Variants in U2AF2 observed in about 807,000 individuals in gnomAD.
U2AF2 encodes splicing factor U2AF 65 kDa subunit.
In U2AF2, 6 loss-of-function variants were observed where a neutral mutation model predicts 52.6. That is an observed-to-expected ratio of 0.11 (90% CI 0.06 to 0.23). The LOEUF (loss-of-function observed/expected upper bound fraction) is 0.23. U2AF2 is among the 10% of genes least tolerant of loss of function. U2AF2 has a pLI of 1.00. For missense variants in U2AF2, 222 were observed against 677.1 expected (o/e 0.33, Z 7.46); for synonymous variants, 284 against 258.2 (o/e 1.10, Z -0.96).
intron 1 of U2AF2, among the ~76,000 whole-genome samples, chr19:55,656,875 C>T (rs189146900): frequency 6.6e-6 from 1 of 152,148 alleles, no homozygotes; most frequent in African/African-American, 2.4e-5. Context: ...GAGGGTCTTC[C>T]GCTCACAGAG....
chr19:55,670,534 C>CACCCTGCTGTCGGTGCACCCTGCTGTCCG, intron 11 of U2AF2: 2 of 185,902 alleles, frequency 1.1e-5, no homozygotes, highest in South Asian at 4.0e-5. Context: ...CCTGCTGTCC[C>CACCCTGCTGTCGGTGCACCCTGCTGTCCG]TGCACCCTGC....
rs557100931 is a variant in U2AF2 at position 55,660,127 on chromosome 19, A to G, written c.186-50A>G. 3.8e-6 allele frequency: 6 copies of G among 1,567,338 alleles called. No individual in the cohort carries two copies. The East Asian group carries it at 1.1e-4, about 30-fold the overall frequency. ...TGGGGGGGTGTGGCATGTGGGGAAGACGAGGGTCCCCAGTCACCCCTCCCC... is the reference window on the plus strand; with the variant it reads ...TGGGGGGGTGTGGCATGTGGGGAAGGCGAGGGTCCCCAGTCACCCCTCCCC... On this transcript the variant is annotated intron_variant, in intron 2 of 11. Coordinates refer to ENST00000308924, the MANE Select transcript of U2AF2 (RefSeq NM_007279.3).
At chr19:55,661,845 T>C in intron 5 of U2AF2, 1 of 152,532 alleles carries the variant, frequency 6.6e-6, no homozygotes, top group African/African-American at 2.4e-5. Flanking sequence ...GTAAGGTCCA[T>C]TCTGACTTTC....
chr19:55,665,813 A>G (rs1984513438), intron 7 of U2AF2, among the ~76,000 whole-genome samples: 1 of 151,924 alleles, frequency 6.6e-6, no homozygotes, highest in Non-Finnish European at 1.5e-5. Context: ...CACACCTGCT[A>G]ATTTTTTGTG....
intron 1 of U2AF2, among the ~76,000 whole-genome samples, chr19:55,657,180 G>T (rs1254418165): frequency 6.6e-6 from 1 of 152,228 alleles, no homozygotes. Context: ...TTTGGTGCTG[G>T]TAGGGCAGTC....
intron 1 of U2AF2, among the ~76,000 whole-genome samples, chr19:55,657,019 T>TG (rs1411749718): frequency 1.3e-5 from 2 of 152,330 alleles, no homozygotes; most frequent in South Asian, 2.1e-4. Flanking sequence ...TGCTTTTGCA[T>TG]GGTTTTTGTT....
In U2AF2 at chr19:55,672,583, AC is replaced by A. The variant is rs539688612; in HGVS notation, c.1294-1344del. 6.5e-3 allele frequency among the ~76,000 whole-genome samples: 989 copies of A among 151,250 alleles called. 11 individuals are homozygous for A. Among genetic ancestry groups the A allele is most frequent in the African/African-American group, 0.023 (943 of 41,132 alleles). On this transcript the variant is annotated intron_variant, in intron 11 of 11. Transcript: ENST00000308924. ...AGATTGCTCAGTGTTCCCTGGGGAC[AC>A]CCCCCCTCCTCCAGTTGACAACCAC...
rs1282462441 is a variant in U2AF2 at position 55,663,862 on chromosome 19, G to C, written c.742+118G>C. On this transcript the variant is annotated intron_variant, in intron 7 of 11. Transcript: ENST00000308924. ...GTTGTGTAAGTACTGTGGAAGATAGGTGCCTTTTCCCTGCTTCCCCTAAGT... is the reference window on the plus strand; with the variant it reads ...GTTGTGTAAGTACTGTGGAAGATAGCTGCCTTTTCCCTGCTTCCCCTAAGT... The C allele has an allele frequency of 8.9e-6, 13 of 1,468,510 alleles. 2 individuals carry two copies. The East Asian group carries it at 3.0e-4, about 34-fold the overall frequency. 91.0% of individuals were successfully genotyped at this position (1,468,510 alleles called of 1,614,324 possible).
chr19:55,665,628 G>C (rs1309503583), intron 7 of U2AF2, among the ~76,000 whole-genome samples: 1 of 152,198 alleles, frequency 6.6e-6, no homozygotes, highest in African/African-American at 2.4e-5. Flanking sequence ...GTCCAACGCT[G>C]GCCCACTGCC....
At chr19:55,657,327 G>C (rs1327166709) in intron 1 of U2AF2, among the ~76,000 whole-genome samples, 1 of 152,188 alleles carries the variant, frequency 6.6e-6, no homozygotes, top group Non-Finnish European at 1.5e-5. Context: ...CTTGCCATAG[G>C]GGAAGCTCTG....
chr19:55,657,030 G>C (rs1304374214), intron 1 of U2AF2, among the ~76,000 whole-genome samples: 1 of 152,226 alleles, frequency 6.6e-6, no homozygotes, highest in African/African-American at 2.4e-5. Context: ...GGTTTTTGTT[G>C]TTCATAAGCA....
In U2AF2 at chr19:55,668,394, C is replaced by T. The variant is rs757822684; in HGVS notation, c.743-113C>T. 9.2e-7 allele frequency: 1 copy of T among 1,087,664 alleles called. No individual in the cohort carries two copies. The allele number at this position is 1,087,664 out of a possible 1,614,324, so 67.4% of individuals were successfully genotyped here. A position where few individuals can be genotyped will look rare whatever the true frequency, so the allele number is the denominator to read the frequency against. Reference sequence around the variant, plus strand: ...GGGCACGTGGCGACCCCTCCCTCGTCAGATCAGGCAGGAAGTGTTCTCTTT... The same window carrying T: ...GGGCACGTGGCGACCCCTCCCTCGTTAGATCAGGCAGGAAGTGTTCTCTTT... On this transcript the variant is annotated intron_variant, in intron 7 of 11. Coordinates refer to ENST00000308924, the MANE Select transcript of U2AF2 (RefSeq NM_007279.3). The surrounding 1 kb of genome is among the most constrained non-coding windows in gnomAD (Gnocchi z 5.5).
At chr19:55,661,250 C>A in intron 5 of U2AF2, 61 bp downstream of exon 5, 1 of 1,425,450 alleles carries the variant, frequency 7.0e-7, no homozygotes, top group Non-Finnish European at 9.3e-7. Flanking sequence ...CCTCCCCTTC[C>A]CTCCATTCCC....
intron 10 of U2AF2, 57 bp downstream of exon 10, chr19:55,669,238 G>A (rs1473041129): frequency 6.3e-7 from 1 of 1,592,902 alleles, no homozygotes; most frequent in African/African-American, 1.3e-5. Context: ...CTGGCTAGTA[G>A]GGGACAAGTG....
At chr19:55,659,716 G>C (rs1200751109) in intron 2 of U2AF2, among the ~76,000 whole-genome samples, 1 of 152,018 alleles carries the variant, frequency 6.6e-6, no homozygotes, top group Admixed American at 6.5e-5. Flanking sequence ...GACTCTCTTC[G>C]AGGGGGTTGG....
intron 6 of U2AF2, 57 bp from the exon 7 acceptor site, chr19:55,663,549 A>AG: frequency 6.4e-7 from 1 of 1,571,528 alleles, no homozygotes; most frequent in Admixed American, 1.8e-5. Context: ...CTGGAACACT[A>AG]GGGGCTGTAC....
At position 55,668,162 on chromosome 19, in the gene U2AF2, C is replaced by G. The variant is rs1483780128; in HGVS notation, c.743-345C>G. Among the ~76,000 whole-genome samples, 1 of 152,032 alleles carries G rather than the reference C, an allele frequency of 6.6e-6. No individual in the cohort carries two copies. The highest frequency in any genetic ancestry group is 1.5e-5 in the Non-Finnish European group (1 of 68,004). ...TGTGTTGTGACTCACCAGTAGGTCC[C>G]GAGCCCAGGTGACCTGCCAGCATTC... On this transcript the variant is annotated intron_variant, in intron 7 of 11. Coordinates refer to ENST00000308924, the MANE Select transcript of U2AF2 (RefSeq NM_007279.3). The surrounding 1 kb of genome is among the most constrained non-coding windows in gnomAD (Gnocchi z 5.5).
intron 11 of U2AF2, among the ~76,000 whole-genome samples, chr19:55,670,189 C>T (rs1293768588): frequency 2.0e-5 from 3 of 151,964 alleles, no homozygotes; most frequent in Non-Finnish European, 4.4e-5. Flanking sequence ...ACAGGCACAG[C>T]GGGGGTGGCT....
At chr19:55,671,609 A>G (rs1235513967) in intron 11 of U2AF2, 1 of 152,250 alleles carries the variant, frequency 6.6e-6, no homozygotes, top group Non-Finnish European at 1.5e-5. Context: ...CATCTTAGAA[A>G]AGGGGCATGG....
Sources: gnomAD v4.1 joint callset for allele counts (sites outside exome capture counted in the v4.1 genomes callset) on GRCh38, gnomAD v4.1.1 for gene constraint, Gnocchi (gnomAD v3.1) non-coding constraint, MANE v1.5 for transcripts, NCBI Gene and HGNC (gene_info 2026-07-23, HGNC 2026-07-21) for gene names.